The following ZBTB46 variants were observed in gnomAD, a reference collection of about 807,000 sequenced individuals.
The protein encoded by ZBTB46 is zinc finger and BTB domain-containing protein 46.
ZBTB46 carries 8 observed loss-of-function variants against 44.1 expected under a neutral mutation model. That is an observed-to-expected ratio of 0.18 (90% CI 0.11 to 0.33). The LOEUF is 0.33. ZBTB46 is among the 10% of genes least tolerant of loss of function. The probability of loss-of-function intolerance (pLI) is 1.00; values close to 1 mark genes in which losing one functional copy is unlikely to be tolerated. For synonymous variants in ZBTB46, 409 were observed against 382.3 expected (o/e 1.07, Z -0.81); for missense variants, 651 against 847.7 (o/e 0.77, Z 2.88).
At chr20:63,755,660 A>G (rs2092214151) in intron 3 of ZBTB46, among the ~76,000 whole-genome samples, 1 of 152,212 alleles carries the variant, frequency 6.6e-6, no homozygotes, top group Non-Finnish European at 1.5e-5. Flanking sequence ...TACTGTGATC[A>G]TTGAGGGAAT....
At chr20:63,775,002 C>T (rs2092412212) in intron 3 of ZBTB46, among the ~76,000 whole-genome samples, 1 of 152,122 alleles carries the variant, frequency 6.6e-6, no homozygotes, top group South Asian at 2.1e-4. Context: ...CGCGCCCGGC[C>T]CCTTTGTTTT....
chr20:63,768,214 G>T, intron 3 of ZBTB46: 1 of 748,838 alleles, frequency 1.3e-6, no homozygotes, highest in Non-Finnish European at 1.6e-6. Flanking sequence ...ACTATCCTGT[G>T]AGAAATGAGA....
chr20:63,759,031 G>A (rs148335466), intron 3 of ZBTB46, among the ~76,000 whole-genome samples: 76 of 152,152 alleles, frequency 5.0e-4, no homozygotes, highest in African/African-American at 1.6e-3. Flanking sequence ...GGTGCCCAGC[G>A]GAGATTCACA....
intron 1 of ZBTB46, among the ~76,000 whole-genome samples, chr20:63,804,983 C>T (rs1204473586): frequency 1.3e-5 from 2 of 149,998 alleles, no homozygotes; most frequent in Non-Finnish European, 1.5e-5. Flanking sequence ...TGCAGTGACA[C>T]GATCTCAGCT....
intron 1 of ZBTB46, among the ~76,000 whole-genome samples, chr20:63,802,738 GT>G: frequency 6.8e-6 from 1 of 147,876 alleles, no homozygotes; most frequent in Non-Finnish European, 1.5e-5. Flanking sequence ...AGGAACCGCG[GT>G]GGGCCGACAA....
intron 1 of ZBTB46, among the ~76,000 whole-genome samples, chr20:63,816,123 TGGGC>T (rs1365363563): frequency 1.3e-5 from 2 of 148,814 alleles, no homozygotes; most frequent in Non-Finnish European, 1.5e-5. Flanking sequence ...TGGGCGCAGG[TGGGC>T]GCAGGTGCAG....
At chr20:63,768,468 C>T (rs972304500) in intron 3 of ZBTB46, among the ~76,000 whole-genome samples, 3 of 152,088 alleles carry the variant, frequency 2.0e-5, no homozygotes, top group South Asian at 2.1e-4. Flanking sequence ...GTGTGCCCAA[C>T]GGGATACCCT....
At chr20:63,806,829 A>C (rs545942838) in intron 1 of ZBTB46, among the ~76,000 whole-genome samples, 25 of 144,954 alleles carry the variant, frequency 1.7e-4, no homozygotes, top group African/African-American at 5.9e-4. Flanking sequence ...GTCGGCCAGG[A>C]TGGAGTGCAG....
intron 1 of ZBTB46, among the ~76,000 whole-genome samples, chr20:63,825,138 T>G (rs1453295543): frequency 6.6e-6 from 1 of 151,218 alleles, no homozygotes; most frequent in Non-Finnish European, 1.5e-5. Context: ...CAGTAGCTCA[T>G]GCCTGTAATC....
rs945620194 is a variant in ZBTB46 at position 63,773,589 on chromosome 20, C to T, written c.1222+2089G>A. On this transcript the variant is annotated intron_variant, in intron 3 of 4. Coordinates refer to ENST00000245663, the MANE Select transcript of ZBTB46 (RefSeq NM_001369741.1). ...CACCCAAGCCCCTCATGTGAAAAGG[C>T]GCTCGGAGGGGAGGGTAGTGAGGGA... Among the ~76,000 whole-genome samples, 7 of 152,200 alleles carry T rather than the reference C, an allele frequency of 4.6e-5. No homozygotes were observed. In the South Asian group the frequency reaches 1.0e-3, roughly 23 times the overall value.
At chr20:63,794,530 G>A (rs568784325) in intron 1 of ZBTB46, among the ~76,000 whole-genome samples, 8 of 152,274 alleles carry the variant, frequency 5.3e-5, no homozygotes, top group East Asian at 1.9e-4. Context: ...AGTCAGCTAC[G>A]GAAATATTAA....
At position 63,746,649 on chromosome 20, in the gene ZBTB46, C is replaced by T. The variant is rs899722454; in HGVS notation, c.*281G>A. 8 of 426,816 alleles carry T rather than the reference C, an allele frequency of 1.9e-5. No homozygotes were observed. The highest frequency in any genetic ancestry group is 4.2e-5 in the Admixed American group (1 of 23,736). The allele number at this position is 426,816 out of a possible 1,614,324, so 26.4% of individuals were successfully genotyped here. ...CCATCACAGGGGCCACTCACACACC[C>T]GCACCACCTGCTGGGGACTTAGGAC... On this transcript the variant is annotated 3_prime_UTR_variant, in exon 5 of 5. Transcript: ENST00000245663.
chr20:63,762,049 C>T (rs1456675750), intron 3 of ZBTB46, among the ~76,000 whole-genome samples: 1 of 152,130 alleles, frequency 6.6e-6, no homozygotes, highest in Non-Finnish European at 1.5e-5. Context: ...TTTGGTGTAA[C>T]GTTCAAACTG....
At chr20:63,753,790 ATAAT>A (rs1348102356) in intron 3 of ZBTB46, among the ~76,000 whole-genome samples, 5 of 152,262 alleles carry the variant, frequency 3.3e-5, no homozygotes, top group Admixed American at 1.3e-4. Flanking sequence ...TGAACACATC[ATAAT>A]TAATTAAACA....
At chr20:63,826,079 C>T (rs993581259) in intron 1 of ZBTB46, among the ~76,000 whole-genome samples, 1 of 152,222 alleles carries the variant, frequency 6.6e-6, no homozygotes, top group Admixed American at 6.5e-5. Context: ...GGAGCACCGA[C>T]GCAGGCCTCG....
intron 1 of ZBTB46, among the ~76,000 whole-genome samples, chr20:63,820,942 G>C (rs972155047): frequency 9.2e-5 from 14 of 151,572 alleles, no homozygotes; most frequent in Middle Eastern, 3.4e-3. Flanking sequence ...GCCCAGGCTA[G>C]AGTGCAATGG....
At chr20:63,810,880 G>A (rs116010247) in intron 1 of ZBTB46, among the ~76,000 whole-genome samples, 1 of 152,342 alleles carries the variant, frequency 6.6e-6, no homozygotes, top group Admixed American at 6.5e-5. Flanking sequence ...AGCAATCTAC[G>A]TTTCTCTTTC....
At chr20:63,814,258 AAAAG>A (rs1197582813) in intron 1 of ZBTB46, among the ~76,000 whole-genome samples, 1 of 151,814 alleles carries the variant, frequency 6.6e-6, no homozygotes, top group Non-Finnish European at 1.5e-5. Context: ...AGAAAAGAAA[AAAAG>A]AAAGGAAAAA....
rs1367954169 is a variant in ZBTB46, at chr20:63,803,939, A to C, written c.-33-13149T>G. On this transcript the variant is annotated intron_variant, in intron 1 of 4. Coordinates refer to ENST00000245663, the MANE Select transcript of ZBTB46 (RefSeq NM_001369741.1). This position sits in a 1 kb window ranked among gnomAD's most constrained non-coding sequence, Gnocchi z 4.0. ...AGGTTGGTCTTGAATTCCTAAACGAACCTGCCGCCCTGGCTTCTCAAAGCG... is the reference window on the plus strand; with the variant it reads ...AGGTTGGTCTTGAATTCCTAAACGACCCTGCCGCCCTGGCTTCTCAAAGCG... Among the ~76,000 whole-genome samples the C allele has an allele frequency of 6.6e-6, 1 of 151,804 alleles. No homozygotes were observed. The highest frequency in any genetic ancestry group is 1.5e-5 in the Non-Finnish European group (1 of 67,950).
Sources: gnomAD v4.1 joint callset for allele counts (sites outside exome capture counted in the v4.1 genomes callset) on GRCh38, gnomAD v4.1.1 for gene constraint, Gnocchi (gnomAD v3.1) non-coding constraint, MANE v1.5 for transcripts, NCBI Gene and HGNC (gene_info 2026-07-23, HGNC 2026-07-21) for gene names.